TATDN1: variants seen among roughly 807,000 people sequenced by gnomAD.
TATDN1 encodes the protein deoxyribonuclease TATDN1.
A neutral mutation model predicts 46.4 loss-of-function variants in TATDN1; 40 were observed. The observed-to-expected ratio is 0.86, with a 90% confidence interval of 0.67 to 1.12. The LOEUF (loss-of-function observed/expected upper bound fraction) is 1.12, where lower values mean the gene tolerates loss of function less well. TATDN1 is among the 50% of genes most tolerant of loss of function. The pLI, the probability that TATDN1 is intolerant of heterozygous loss-of-function variation, is 0.00. For missense variants in TATDN1, 326 were observed against 348.4 expected (o/e 0.94, Z 0.51); for synonymous variants, 95 against 105.6 (o/e 0.90, Z 0.62).
Position 124,515,906 on chromosome 8 carries a change from T to A in TATDN1, c.327A>T (p.Ala109=). ...ACTCACCAAGTCCGCATTCTCCTAT[T>A]GCCACAACTTTCCCTTTATTGTTTT... ...LAENNKGKVV[A]IGECGLDFDR... Residue 109 remains alanine (A), a synonymous_variant, in exon 5 of 12, where the codon GCA becomes GCT. Coordinates refer to ENST00000276692, the MANE Select transcript of TATDN1 (RefSeq NM_032026.4). 6.2e-7 allele frequency: 1 copy of A among 1,614,100 alleles called. No individual in the cohort carries two copies. The highest frequency in any genetic ancestry group is 8.5e-7 in the Non-Finnish European group (1 of 1,179,998).
chr8:124,514,694 A>G (rs779674440), intron 6 of TATDN1, among the ~76,000 whole-genome samples: 25 of 152,278 alleles, frequency 1.6e-4, no homozygotes, highest in Non-Finnish European at 3.4e-4. Flanking sequence ...TTAAATTCAG[A>G]CTGTGACCTA....
intron 4 of TATDN1, among the ~76,000 whole-genome samples, chr8:124,516,343 C>A (rs1234803631): frequency 6.6e-6 from 1 of 151,714 alleles, no homozygotes; most frequent in Non-Finnish European, 1.5e-5. Flanking sequence ...CACTGTGTCA[C>A]CCAGGCTGGA....
intron 8 of TATDN1, among the ~76,000 whole-genome samples, chr8:124,507,023 G>C (rs997401049): frequency 1.3e-4 from 20 of 152,040 alleles, no homozygotes; most frequent in African/African-American, 4.3e-4. Context: ...TTAGCTGGAC[G>C]TGGTGGTGTG....
At chr8:124,532,127 C>T (rs1386478230) in intron 1 of TATDN1, among the ~76,000 whole-genome samples, 19 of 151,692 alleles carry the variant, frequency 1.3e-4, no homozygotes, top group Admixed American at 1.1e-3. Context: ...GAGTACAACT[C>T]GGGAAGGAGC....
At chr8:124,507,671 C>G (rs1207388028) in intron 8 of TATDN1, among the ~76,000 whole-genome samples, 2 of 151,682 alleles carry the variant, frequency 1.3e-5, no homozygotes, top group Non-Finnish European at 2.9e-5. Context: ...GTAGTCCCAG[C>G]TACTTGGGAG....
intron 6 of TATDN1, among the ~76,000 whole-genome samples, chr8:124,509,222 GT>G: frequency 6.6e-6 from 1 of 152,298 alleles, no homozygotes; most frequent in Admixed American, 6.5e-5. Context: ...TGATAAGAAG[GT>G]TTTTCCAAGT....
At chr8:124,506,334 CAAAAAAAAA>C (rs56023168) in intron 8 of TATDN1, among the ~76,000 whole-genome samples, 1 of 52,526 alleles carries the variant, frequency 1.9e-5, no homozygotes, top group African/African-American at 7.0e-5. Context: ...GGCTCTGTCT[CAAAAAAAAA>C]AAAAAAAAAA....
At chr8:124,501,797 C>T (rs1817992327) in intron 9 of TATDN1, among the ~76,000 whole-genome samples, 1 of 151,928 alleles carries the variant, frequency 6.6e-6, no homozygotes, top group Non-Finnish European at 1.5e-5. Context: ...GTGCCCCCCA[C>T]TGGAAGGGCT....
rs372958812 is a variant in TATDN1 at position 124,520,835 on chromosome 8, C to T, written c.138+1316G>A. ...GCGGGCGCCTGTAGTCCCAGCTACT[C>T]GGGAGGCTGAGGCAGGAGAATGGCG... On this transcript the variant is annotated intron_variant, in intron 3 of 11. Transcript: ENST00000276692. 1.3e-3 allele frequency among the ~76,000 whole-genome samples: 198 copies of T among 146,818 alleles called. 2 individuals are homozygous for T. The East Asian group carries it at 0.027, about 20-fold the overall frequency.
chr8:124,516,661 TTTTG>T (rs147847607), intron 4 of TATDN1, among the ~76,000 whole-genome samples: 12,541 of 152,128 alleles, frequency 0.082, 774 homozygotes, highest in South Asian at 0.29. Context: ...ATTGGTATAT[TTTTG>T]TTTGTTTAAC....
At chr8:124,507,806 AC>A (rs1289325757) in intron 8 of TATDN1, among the ~76,000 whole-genome samples, 1 of 151,644 alleles carries the variant, frequency 6.6e-6, no homozygotes, top group African/African-American at 2.4e-5. Flanking sequence ...AAAACAAAAA[AC>A]ACACACAAAA....
rs188482568 is a variant in TATDN1, at chr8:124,524,997, T to A, written c.23-1995A>T. Among the ~76,000 whole-genome samples, 254 of 152,182 alleles carry A rather than the reference T, an allele frequency of 1.7e-3. 1 individual carries two copies. Among genetic ancestry groups the A allele is most frequent in the African/African-American group, 6.0e-3 (250 of 41,506 alleles). ...CGTCCCAGTATAGTCTCTGGGTTTA[T>A]CTGGGCAGACAGAAATGCAGGAAGA... On this transcript the variant is annotated intron_variant, in intron 1 of 11. Transcript: ENST00000276692.
chr8:124,496,970 T>C (rs560690806), intron 9 of TATDN1, among the ~76,000 whole-genome samples: 1 of 151,960 alleles, frequency 6.6e-6, no homozygotes, highest in South Asian at 2.1e-4. Flanking sequence ...TGTTTCAACA[T>C]GTATCTCTGA....
intron 1 of TATDN1, among the ~76,000 whole-genome samples, chr8:124,534,060 G>A (rs558353107): frequency 4.7e-5 from 7 of 147,482 alleles, no homozygotes; most frequent in Admixed American, 1.4e-4. Context: ...GCAGGAGAAT[G>A]GCGTGAACCT....
chr8:124,520,447 A>C (rs922129121), intron 3 of TATDN1, among the ~76,000 whole-genome samples: 1 of 152,002 alleles, frequency 6.6e-6, no homozygotes, highest in African/African-American at 2.4e-5. Flanking sequence ...AGAAAAAAAA[A>C]AAAAGACTAA....
intron 6 of TATDN1, among the ~76,000 whole-genome samples, chr8:124,514,461 T>G (rs983389338): frequency 6.6e-5 from 10 of 152,296 alleles, no homozygotes; most frequent in South Asian, 2.1e-4. Flanking sequence ...TATAAGAAAC[T>G]AAGGAGGACA....
chr8:124,504,464 G>T, intron 8 of TATDN1, 117 bp from the exon 9 acceptor site: 3 of 510,332 alleles, frequency 5.9e-6, no homozygotes, highest in East Asian at 3.5e-5. Context: ...TGGACCTCAG[G>T]GTTTCAAAGG....
At position 124,503,960 on chromosome 8, in the gene TATDN1, A is replaced by G. The variant is rs1368800748; in HGVS notation, c.593+311T>C. 3 of 1,312,902 alleles carry G rather than the reference A, an allele frequency of 2.3e-6. No individual in the cohort carries two copies. In the Admixed American group the frequency reaches 6.7e-5, roughly 29 times the overall value. 81.3% of individuals were successfully genotyped at this position (1,312,902 alleles called of 1,614,324 possible). On this transcript the variant is annotated intron_variant, in intron 9 of 11. Coordinates refer to ENST00000276692, the MANE Select transcript of TATDN1 (RefSeq NM_032026.4). ...TATATGTATACATAATGCTGTGAAC[A>G]CATGTTTTCAAGGGATCAAATGACC...
Position 124,530,714 on chromosome 8 carries a change from T to C in TATDN1, c.23-7712A>G, listed in dbSNP as rs148031787. Among the ~76,000 whole-genome samples, 27 of 152,302 alleles carry C rather than the reference T, an allele frequency of 1.8e-4. 1 individual carries two copies. Among genetic ancestry groups the C allele is most frequent in the Admixed American group, 1.8e-3 (27 of 15,310 alleles). ...AAGACAAGAAGAGGAAGCACACAGG[T>C]AGCTAAACATCGAAGTTATCTAGCA... On this transcript the variant is annotated intron_variant, in intron 1 of 11. Transcript: ENST00000276692.
Sources: gnomAD v4.1 joint callset for allele counts (sites outside exome capture counted in the v4.1 genomes callset) on GRCh38, gnomAD v4.1.1 for gene constraint, MANE v1.5 for transcripts, NCBI Gene and HGNC (gene_info 2026-07-23, HGNC 2026-07-21) for gene names.